TMEM198: variants seen among roughly 807,000 people sequenced by gnomAD.
TMEM198 encodes transmembrane protein 198.
A neutral mutation model predicts 31.5 loss-of-function variants in TMEM198; 21 were observed. The ratio of observed to expected loss-of-function variants is 0.67; its 90% CI spans 0.47 to 0.96. The LOEUF is 0.96. TMEM198 is among the 40% of genes least tolerant of loss of function. The pLI, the probability that TMEM198 is intolerant of heterozygous loss-of-function variation, is 0.00. For missense variants in TMEM198, 447 were observed against 499.4 expected, an observed-to-expected ratio of 0.89 and a Z score of 1.00; for synonymous variants, 211 against 223.3, an observed-to-expected ratio of 0.95 and a Z score of 0.49.
In TMEM198 at chr2:219,544,858, T is replaced by C. The variant is rs767569139; in HGVS notation, c.131T>C (p.Met44Thr). 2.5e-6 allele frequency: 4 copies of C among 1,614,212 alleles called. No individual in the cohort carries two copies. Among genetic ancestry groups the C allele is most frequent in the Non-Finnish European group, 3.4e-6 (4 of 1,180,026 alleles). Reference protein sequence around the residue: ...YQALPALVCIMCCLFGVVYCF... With the variant: ...YQALPALVCITCCLFGVVYCF... ...GCACTGCCGGCCCTCGTCTGCATCA[T>C]GTGCTGTTTGTTTGGAGTCGTCTAC... The change falls in exon 2 of 5, where the codon ATG (methionine) becomes ACG (threonine). Residue 44 changes from methionine (M) to threonine (T), a missense_variant. Met to Thr is a moderately conservative substitution (Grantham distance 81, BLOSUM62 -1). Coordinates refer to ENST00000373883, the MANE Select transcript of TMEM198 (RefSeq NM_001005209.3).
intron 2 of TMEM198, among the ~76,000 whole-genome samples, chr2:219,546,571 C>T (rs1443219271): frequency 2.6e-5 from 4 of 152,158 alleles, no homozygotes; most frequent in African/African-American, 9.7e-5. Context: ...CAGTGTTCCT[C>T]TCTCTTGGAA....
At chr2:219,543,824 C>CGGGGT (rs1281827130), upstream of TMEM198, 1 of 433,246 alleles carries the variant, frequency 2.3e-6, no homozygotes, top group Non-Finnish European at 4.1e-6. Context: ...GCCCCGCCCC[C>CGGGGT]GGGGTGGGGT....
intron 3 of TMEM198, 131 bp from the exon 4 acceptor site, chr2:219,549,021 G>A: frequency 1.1e-6 from 1 of 930,860 alleles, no homozygotes; most frequent in Non-Finnish European, 1.7e-6. Flanking sequence ...GGAAGTGACA[G>A]GGTGGGAGTA....
Position 219,549,302 on chromosome 2 carries a change from A to T in TMEM198, c.893A>T (p.Tyr298Phe), listed in dbSNP as rs375652088. The change falls in exon 4 of 5, where the codon TAT becomes TTT. Residue 298 changes from tyrosine to phenylalanine, a missense_variant. Tyr to Phe is a conservative substitution (Grantham distance 22, BLOSUM62 3). Transcript: ENST00000373883. ...AGGCCTGGGCCACCAGACCCTGCTT[A>T]TCGGCGCAGGCCAGTGCCCATCAAA... ...PPRPGPPDPA[Y>F]RRRPVPIKRF... 1 of 1,613,772 alleles carries T rather than the reference A, an allele frequency of 6.2e-7. No individual in the cohort carries two copies. The highest frequency in any genetic ancestry group is 8.5e-7 in the Non-Finnish European group (1 of 1,180,034).
chr2:219,543,728 G>A (rs1445256506), upstream of TMEM198: 2 of 441,498 alleles, frequency 4.5e-6, no homozygotes, highest in Non-Finnish European at 7.8e-6. Flanking sequence ...TTCCCCTCCA[G>A]CAGCTGCTCT....
chr2:219,549,901 G>C lies in TMEM198; in HGVS notation c.*47G>C, dbSNP rs1310032219. The stretch of plus-strand genomic sequence containing the variant: ...CTGCAGTCACCAGCTCTGCCAGCTC[G>C]AGGAGGCCTGCTAGGCTGCCACTCA... On this transcript the variant is annotated 3_prime_UTR_variant, in exon 5 of 5. Coordinates refer to ENST00000373883, the MANE Select transcript of TMEM198 (RefSeq NM_001005209.3). The C allele has an allele frequency of 3.8e-6, 6 of 1,590,916 alleles. No individual in the cohort carries two copies. Among genetic ancestry groups the C allele is most frequent in the African/African-American group, 1.3e-5 (1 of 74,450 alleles).
intron 3 of TMEM198, 65 bp downstream of exon 3, chr2:219,548,146 A>C (rs887573935): frequency 7.2e-7 from 1 of 1,389,482 alleles, no homozygotes; most frequent in Non-Finnish European, 9.5e-7. Flanking sequence ...TTGGGGGCCA[A>C]GTGACTGGGG....
At position 219,548,028 on chromosome 2, in the gene TMEM198, T is replaced by C; in HGVS notation, c.689T>C (p.Met230Thr). 6.3e-7 allele frequency: 1 copy of C among 1,589,210 alleles called. No individual in the cohort carries two copies. Among genetic ancestry groups the C allele is most frequent in the Non-Finnish European group, 8.5e-7 (1 of 1,171,306 alleles). Residue 230 changes from methionine to threonine, a missense_variant, in exon 3 of 5, where the codon ATG (methionine) becomes ACG (threonine). Transcript: ENST00000373883. ...LLALWPLLSLMGVLVQWRVTA... is the reference protein window; with the variant it reads ...LLALWPLLSLTGVLVQWRVTA... Reference sequence around the variant, plus strand: ...GCACTCTGGCCCCTGCTCAGCCTGATGGGCGTTCTGGTGCAGTGGAGGGTG... The same window carrying C: ...GCACTCTGGCCCCTGCTCAGCCTGACGGGCGTTCTGGTGCAGTGGAGGGTG...
In TMEM198 at chr2:219,544,305, G is replaced by T; in HGVS notation, c.-112G>T. On this transcript the variant is annotated 5_prime_UTR_variant, in exon 1 of 5. Transcript: ENST00000373883. ...ACCCCAGTCAGTTGGAGCCTCTGGC[G>T]CCCCGCAACCCCGGCCCCTCGGGCC... 1 of 471,596 alleles carries T rather than the reference G, an allele frequency of 2.1e-6. No homozygotes were observed. The allele number at this position is 471,596 out of a possible 1,614,324, so 29.2% of individuals were successfully genotyped here. A position where few individuals can be genotyped will look rare whatever the true frequency, so the allele number is the denominator to read the frequency against.
Position 219,544,910 on chromosome 2 carries a change from A to G in TMEM198, c.166+17A>G. 6.2e-7 allele frequency: 1 copy of G among 1,609,658 alleles called. No homozygotes were observed. Among genetic ancestry groups the G allele is most frequent in the Non-Finnish European group, 8.5e-7 (1 of 1,176,182 alleles). On this transcript the variant is annotated intron_variant, in intron 2 of 4. Coordinates refer to ENST00000373883, the MANE Select transcript of TMEM198 (RefSeq NM_001005209.3). ...GCTTCTTCGGTGAGATCCCCATCTCATCCCTCACCTGGGCTCCCCAGTGTT... is the reference window on the plus strand; with the variant it reads ...GCTTCTTCGGTGAGATCCCCATCTCGTCCCTCACCTGGGCTCCCCAGTGTT...
Position 219,544,097 on chromosome 2 carries a change from G to T in TMEM198, c.-320G>T, listed in dbSNP as rs1421291150. On this transcript the variant is annotated 5_prime_UTR_variant, in exon 1 of 5. Transcript: ENST00000373883. ...GGGCGGGCTCAGGGCATGGGGCCGC[G>T]GTTCTGGGGCGGCCCGAGCCCCGGC... 3 of 439,720 alleles carry T rather than the reference G, an allele frequency of 6.8e-6. No homozygotes were observed. Among genetic ancestry groups the T allele is most frequent in the East Asian group, 1.4e-4 (2 of 14,146 alleles). 27.2% of individuals were successfully genotyped at this position (439,720 alleles called of 1,614,324 possible). A position where few individuals can be genotyped will look rare whatever the true frequency, so the allele number is the denominator to read the frequency against.
At chr2:219,548,927 G>A (rs527586588) in intron 3 of TMEM198, 3 of 559,856 alleles carry the variant, frequency 5.4e-6, no homozygotes, top group African/African-American at 3.8e-5. Context: ...GGGGTACCTG[G>A]AAGCCTAGCA....
intron 3 of TMEM198, among the ~76,000 whole-genome samples, chr2:219,548,779 T>TGTGTGTAG (rs1437261508): frequency 3.3e-5 from 5 of 152,148 alleles, no homozygotes; most frequent in Non-Finnish European, 7.3e-5. Flanking sequence ...TTTGGGATGC[T>TGTGTGTAG]CATTCTGCTG....
chr2:219,544,964 G>A (rs910694663), intron 2 of TMEM198, 71 bp downstream of exon 2: 9 of 1,561,242 alleles, frequency 5.8e-6, no homozygotes, highest in Non-Finnish European at 7.9e-6. Flanking sequence ...GGGCCCCCAA[G>A]TCTTCTCTGA....
At position 219,550,439 on chromosome 2, in the gene TMEM198, G is replaced by C; in HGVS notation, c.*585G>C. On this transcript the variant is annotated 3_prime_UTR_variant, in exon 5 of 5. Coordinates refer to ENST00000373883, the MANE Select transcript of TMEM198 (RefSeq NM_001005209.3). The stretch of plus-strand genomic sequence containing the variant: ...ATGGGGGTGGGGGGGTGCTGCTCTG[G>C]GCTGGGTTGGGAAGGGAGTTGGGGA... 4.3e-6 allele frequency: 1 copy of C among 230,508 alleles called. No homozygotes were observed. The highest frequency in any genetic ancestry group is 8.6e-6 in the Non-Finnish European group (1 of 116,220). The allele number at this position is 230,508 out of a possible 1,614,324, so 14.3% of individuals were successfully genotyped here. A position where few individuals can be genotyped will look rare whatever the true frequency, so the allele number is the denominator to read the frequency against.
Position 219,550,011 on chromosome 2 carries a change from T to C in TMEM198, c.*157T>C. ...AGGGAGGATTGTCTCAGGCGAGTCT[T>C]GGCCTGAGAGGAAAGCCCCCTCCCA... On this transcript the variant is annotated 3_prime_UTR_variant, in exon 5 of 5. Coordinates refer to ENST00000373883, the MANE Select transcript of TMEM198 (RefSeq NM_001005209.3). 4.7e-6 allele frequency: 5 copies of C among 1,060,764 alleles called. No homozygotes were observed. Among genetic ancestry groups the C allele is most frequent in the Admixed American group, 2.8e-5 (1 of 35,474 alleles). The allele number at this position is 1,060,764 out of a possible 1,614,324, so 65.7% of individuals were successfully genotyped here. A position where few individuals can be genotyped will look rare whatever the true frequency, so the allele number is the denominator to read the frequency against.
At chr2:219,544,468 C>T (rs1204433879) in intron 1 of TMEM198, 91 bp downstream of exon 1, 7 of 580,506 alleles carry the variant, frequency 1.2e-5, no homozygotes, top group East Asian at 9.4e-5. Context: ...TTCATCCCCC[C>T]GACTCCCGTC....
At position 219,550,464 on chromosome 2, in the gene TMEM198, A is replaced by C; in HGVS notation, c.*610A>C. 4.2e-6 allele frequency: 1 copy of C among 239,500 alleles called. No individual in the cohort carries two copies. 14.8% of individuals were successfully genotyped at this position (239,500 alleles called of 1,614,324 possible). ...GGCTGGGTTGGGAAGGGAGTTGGGG[A>C]GGGGTTTAAATGCACGGTGCATGTC... is the stretch of plus-strand genomic sequence containing the variant. On this transcript the variant is annotated 3_prime_UTR_variant, in exon 5 of 5. Coordinates refer to ENST00000373883, the MANE Select transcript of TMEM198 (RefSeq NM_001005209.3).
intron 2 of TMEM198, among the ~76,000 whole-genome samples, chr2:219,545,175 T>A (rs1559126086): frequency 6.6e-6 from 1 of 152,226 alleles, no homozygotes; most frequent in Non-Finnish European, 1.5e-5. Context: ...TGAACAATGA[T>A]CACAATATTT....
Sources: allele counts gnomAD v4.1 joint callset (sites outside exome capture counted in the v4.1 genomes callset), GRCh38; gene constraint gnomAD v4.1.1; transcripts MANE v1.5; gene names NCBI Gene and HGNC (gene_info 2026-07-23, HGNC 2026-07-21).